Variants in ZNF600 observed in about 807,000 individuals in gnomAD.
ZNF600 encodes zinc finger protein KR-ZNF1.
Under a neutral mutation model 7.3 loss-of-function variants are expected in ZNF600, and 4 were observed. The observed-to-expected ratio is 0.55, with a 90% CI of 0.27 to 1.25. The LOEUF (loss-of-function observed/expected upper bound fraction) is 1.25, where lower values mean the gene tolerates loss of function less well. Ranked by LOEUF, ZNF600 falls within the 50% of genes most tolerant of loss-of-function variation. The probability of loss-of-function intolerance (pLI) is 0.12; values close to 1 mark genes in which losing one functional copy is unlikely to be tolerated. For missense variants in ZNF600, 911 were observed against 922.1 expected (o/e 0.99, Z 0.16); for synonymous variants, 290 against 308.9 (o/e 0.94, Z 0.64).
chr19:52,799,369 C>T, the ZNF600 span: 502,670 of 566,228 alleles, frequency 0.89, 223,777 homozygotes, highest in Middle Eastern at 0.93. Flanking sequence ...TTCTCTTCAG[C>T]ATGCATTTTC....
chr19:52,817,679 C>T, the ZNF600 span, among the ~76,000 whole-genome samples: 1 of 152,216 alleles, frequency 6.6e-6, no homozygotes, highest in Admixed American at 6.5e-5. Flanking sequence ...AGCACTGACA[C>T]CACGGGACCC....
the ZNF600 span, among the ~76,000 whole-genome samples, chr19:52,812,185 G>T: frequency 7.6e-6 from 1 of 131,400 alleles, no homozygotes; most frequent in Non-Finnish European, 1.5e-5. Flanking sequence ...CATCTGGGAG[G>T]TGAGGGGCGC....
chr19:52,808,540 G>A, the ZNF600 span, among the ~76,000 whole-genome samples: 4 of 152,062 alleles, frequency 2.6e-5, no homozygotes, highest in South Asian at 6.2e-4. Flanking sequence ...AGGAGGCTGA[G>A]GCAGAATTGC....
chr19:52,795,061 G>T, the ZNF600 span, among the ~76,000 whole-genome samples: 1 of 152,130 alleles, frequency 6.6e-6, no homozygotes, highest in Non-Finnish European at 1.5e-5. Flanking sequence ...GTACAAATGA[G>T]ATCTGAGCAA....
chr19:52,822,300 G>A, the ZNF600 span, among the ~76,000 whole-genome samples: 1 of 151,982 alleles, frequency 6.6e-6, no homozygotes. Flanking sequence ...TCGAACTCCT[G>A]ACTTCAAGTG....
chr19:52,802,884 C>T, the ZNF600 span, among the ~76,000 whole-genome samples: 3 of 151,054 alleles, frequency 2.0e-5, no homozygotes, highest in South Asian at 4.2e-4. Context: ...CCTCAGCCTC[C>T]CCAGCAGCTT....
chr19:52,793,812 ACACAC>A, the ZNF600 span, among the ~76,000 whole-genome samples: 1 of 121,866 alleles, frequency 8.2e-6, no homozygotes, highest in Admixed American at 8.1e-5. Context: ...ACACACACAC[ACACAC>A]AAAAGTGATG....
the ZNF600 span, among the ~76,000 whole-genome samples, chr19:52,815,081 ATGTGTGTG>A: frequency 5.6e-5 from 6 of 106,502 alleles, no homozygotes; most frequent in Non-Finnish European, 1.2e-4. Context: ...ATATGTGTGT[ATGTGTGTG>A]TATATATATA....
the ZNF600 span, among the ~76,000 whole-genome samples, chr19:52,815,635 T>A: frequency 6.8e-6 from 1 of 146,334 alleles, no homozygotes; most frequent in Non-Finnish European, 1.5e-5. Flanking sequence ...CCATCCTGGC[T>A]ACCACAATGA....
chr19:52,810,437 T>A, the ZNF600 span: 1 of 1,600,934 alleles, frequency 6.2e-7, no homozygotes. Context: ...CCAAAGGGTT[T>A]GCATATATAG....
chr19:52,782,792 T>C (rs2062733497), intron 1 of ZNF600, among the ~76,000 whole-genome samples: 1 of 152,012 alleles, frequency 6.6e-6, no homozygotes, highest in South Asian at 2.1e-4. Context: ...AGAGCACTGC[T>C]TGAACCCGAG....
the ZNF600 span, among the ~76,000 whole-genome samples, chr19:52,813,617 A>G: frequency 8.9e-6 from 1 of 112,248 alleles, no homozygotes; most frequent in Non-Finnish European, 1.8e-5. Flanking sequence ...TCTACCACCC[A>G]CCCCACCCCT....
the ZNF600 span, chr19:52,801,493 C>A: frequency 1.9e-6 from 3 of 1,614,084 alleles, no homozygotes; most frequent in Non-Finnish European, 2.5e-6. Flanking sequence ...CCAGTCAACT[C>A]TTTGATTTCT....
chr19:52,786,906 T>TC (rs577484869), upstream of ZNF600: 1,048 of 172,534 alleles, frequency 6.1e-3, 15 homozygotes, highest in Non-Finnish European at 6.1e-3. Flanking sequence ...GGACCTGTGC[T>TC]TCTCAGCCTC....
At chr19:52,774,917 A>G (rs556998402) in intron 2 of ZNF600, among the ~76,000 whole-genome samples, 2 of 152,308 alleles carry the variant, frequency 1.3e-5, no homozygotes, top group South Asian at 4.1e-4. Context: ...TCTCAATTTC[A>G]TAGACAACAT....
the ZNF600 span, chr19:52,808,153 T>C: frequency 6.2e-7 from 1 of 1,611,854 alleles, no homozygotes; most frequent in Non-Finnish European, 8.5e-7. Context: ...AAACACATTT[T>C]AACCAAATGG....
At chr19:52,830,810 GA>G in the ZNF600 span, among the ~76,000 whole-genome samples, 1 of 149,186 alleles carries the variant, frequency 6.7e-6, no homozygotes, top group African/African-American at 2.5e-5. Context: ...GCCAGGAAAG[GA>G]AGGGCAAGGG....
intron 3 of ZNF600, among the ~76,000 whole-genome samples, chr19:52,770,575 C>T (rs1302038105): frequency 1.3e-5 from 2 of 152,056 alleles, no homozygotes; most frequent in East Asian, 3.9e-4. Context: ...GTTCACTATG[C>T]GTAAGATATA....
the ZNF600 span, among the ~76,000 whole-genome samples, chr19:52,811,660 C>G: frequency 7.2e-6 from 1 of 139,134 alleles, no homozygotes; most frequent in Admixed American, 6.9e-5. Flanking sequence ...GCCTGGCAAC[C>G]GCCCCGTCTG....
Sources: allele counts gnomAD v4.1 joint callset (sites outside exome capture counted in the v4.1 genomes callset), GRCh38; gene constraint gnomAD v4.1.1; transcripts MANE v1.5; gene names NCBI Gene and HGNC (gene_info 2026-07-23, HGNC 2026-07-21).